Variants in GRM5 observed in about 807,000 individuals in gnomAD.
GRM5 encodes the protein metabotropic glutamate receptor 5.
Under a neutral mutation model 83.1 loss-of-function variants are expected in GRM5, and 19 were observed. That is an observed-to-expected ratio of 0.23 (90% confidence interval 0.16 to 0.34). The LOEUF is 0.34. Among genes scored for constraint, GRM5 ranks in the 10% least tolerant of loss-of-function variants. The probability of loss-of-function intolerance (pLI) is 1.00; values close to 1 mark genes in which losing one functional copy is unlikely to be tolerated. For synonymous variants in GRM5, 675 were observed against 633.6 expected (o/e 1.07, Z -0.98); for missense variants, 1,160 against 1,588.3 (o/e 0.73, Z 4.58).
At chr11:88,724,401 T>C (rs113815439) in intron 3 of GRM5, among the ~76,000 whole-genome samples, 138 of 3,940 alleles carry the variant, frequency 0.035, 1 homozygote, top group Admixed American at 0.083. Context: ...TCCATATACT[T>C]ACTCCTAACT....
At chr11:88,513,105 T>C (rs899416019) in intron 9 of GRM5, among the ~76,000 whole-genome samples, 1 of 152,218 alleles carries the variant, frequency 6.6e-6, no homozygotes, top group African/African-American at 2.4e-5. Context: ...TTTTTCTTAT[T>C]TTATTTTACC....
At chr11:88,597,525 C>A (rs1169244406) in intron 5 of GRM5, among the ~76,000 whole-genome samples, 173 bp from the exon 6 acceptor site, 1 of 152,076 alleles carries the variant, frequency 6.6e-6, no homozygotes, top group Non-Finnish European at 1.5e-5. Flanking sequence ...ACTTTCTCTG[C>A]AGAGACCATT....
At chr11:88,987,585 A>C (rs1939771928) in intron 2 of GRM5, among the ~76,000 whole-genome samples, 1 of 152,056 alleles carries the variant, frequency 6.6e-6, no homozygotes, top group South Asian at 2.1e-4. Context: ...AGACAGCAGT[A>C]ACCTCTGCAG....
At chr11:88,624,088 G>A (rs1938718534) in intron 4 of GRM5, among the ~76,000 whole-genome samples, 1 of 152,134 alleles carries the variant, frequency 6.6e-6, no homozygotes, top group African/African-American at 2.4e-5. Flanking sequence ...TCTATTCAGT[G>A]TTTGATGGGC....
intron 3 of GRM5, among the ~76,000 whole-genome samples, chr11:88,799,425 AG>A (rs1396397901): frequency 6.6e-6 from 1 of 152,140 alleles, no homozygotes; most frequent in Non-Finnish European, 1.5e-5. Flanking sequence ...CAAGAGAATT[AG>A]GCACATTATT....
intron 7 of GRM5, among the ~76,000 whole-genome samples, chr11:88,572,258 G>T (rs1056533481): frequency 6.6e-6 from 1 of 152,124 alleles, no homozygotes; most frequent in African/African-American, 2.4e-5. Flanking sequence ...TCTTAGATGT[G>T]GATGAGAGCA....
At chr11:88,767,486 ATGCAG>A (rs1942646356) in intron 3 of GRM5, among the ~76,000 whole-genome samples, 2 of 152,066 alleles carry the variant, frequency 1.3e-5, no homozygotes, top group Non-Finnish European at 2.9e-5. Context: ...ATGGAATACT[ATGCAG>A]CCATACAAAA....
rs117391968 is a variant in GRM5 at position 88,985,329 on chromosome 11, T to C, written c.661+61883A>G. 4.7e-3 allele frequency among the ~76,000 whole-genome samples: 709 copies of C among 152,202 alleles called. 1 individual carries two copies. Among genetic ancestry groups the C allele is most frequent in the Middle Eastern group, 0.024 (7 of 294 alleles). On this transcript the variant is annotated intron_variant, in intron 2 of 9. Coordinates refer to ENST00000305447, the MANE Select transcript of GRM5 (RefSeq NM_001143831.3). ...AATCCTTTGAATGATTTCATTTTAG[T>C]CACAATTAAGAGAATGGAAAAAATT...
At chr11:88,781,472 C>T (rs1258377915) in intron 3 of GRM5, among the ~76,000 whole-genome samples, 1 of 152,058 alleles carries the variant, frequency 6.6e-6, no homozygotes, top group Non-Finnish European at 1.5e-5. Context: ...GACCTCTATG[C>T]CCATATTTAT....
intron 3 of GRM5, among the ~76,000 whole-genome samples, chr11:88,770,026 T>C (rs1323586486): frequency 6.6e-6 from 1 of 152,050 alleles, no homozygotes; most frequent in Non-Finnish European, 1.5e-5. Context: ...GTATACACCC[T>C]GGATATGATG....
At chr11:88,965,622 C>A (rs1938931077) in intron 2 of GRM5, among the ~76,000 whole-genome samples, 1 of 150,878 alleles carries the variant, frequency 6.6e-6, no homozygotes, top group Non-Finnish European at 1.5e-5. Flanking sequence ...ATATTAATAA[C>A]AGACAAGGTA....
Position 88,598,645 on chromosome 11 carries a change from G to A in GRM5, c.1395-1293C>T, listed in dbSNP as rs1411369007. On this transcript the variant is annotated intron_variant, in intron 5 of 9. Coordinates refer to ENST00000305447, the MANE Select transcript of GRM5 (RefSeq NM_001143831.3). ...GCATGCAATGAGTTGAGATATTAGA[G>A]CACAGAGCACTGAGGTAAAAAGAAC... Among the ~76,000 whole-genome samples the A allele has an allele frequency of 2.6e-5, 4 of 152,156 alleles. No individual in the cohort carries two copies. The East Asian group carries it at 7.7e-4, about 29-fold the overall frequency.
At chr11:88,708,814 C>A (rs1005717158) in intron 3 of GRM5, among the ~76,000 whole-genome samples, 3 of 151,930 alleles carry the variant, frequency 2.0e-5, no homozygotes, top group Non-Finnish European at 4.4e-5. Context: ...CTAGAGATAC[C>A]ACCTGGTTCA....
At chr11:88,909,988 T>A (rs1318571432) in intron 2 of GRM5, among the ~76,000 whole-genome samples, 1 of 152,068 alleles carries the variant, frequency 6.6e-6, no homozygotes, top group Non-Finnish European at 1.5e-5. Flanking sequence ...TCATACATAT[T>A]CACAGTGCTA....
intron 3 of GRM5, among the ~76,000 whole-genome samples, chr11:88,815,945 G>A (rs1263575909): frequency 6.7e-6 from 1 of 149,556 alleles, no homozygotes; most frequent in Non-Finnish European, 1.5e-5. Flanking sequence ...CGGGCGCGGT[G>A]GCTCACGCCT....
At chr11:88,923,492 A>T (rs1945728862) in intron 2 of GRM5, among the ~76,000 whole-genome samples, 1 of 152,294 alleles carries the variant, frequency 6.6e-6, no homozygotes, top group Admixed American at 6.5e-5. Flanking sequence ...GGGGCAAAAA[A>T]TTGAAATAAT....
intron 8 of GRM5, among the ~76,000 whole-genome samples, chr11:88,563,386 A>G (rs749127423): frequency 2.0e-5 from 3 of 152,182 alleles, no homozygotes; most frequent in African/African-American, 2.4e-5. Context: ...CATAGTTACC[A>G]TAATCTTAGA....
intron 3 of GRM5, among the ~76,000 whole-genome samples, chr11:88,738,797 C>T (rs1385244323): frequency 6.6e-6 from 1 of 152,072 alleles, no homozygotes; most frequent in African/African-American, 2.4e-5. Context: ...TCAACACTTT[C>T]CCTAATGAAA....
chr11:88,966,629 C>T (rs911886450), intron 2 of GRM5, among the ~76,000 whole-genome samples: 6 of 152,104 alleles, frequency 3.9e-5, no homozygotes, highest in Admixed American at 6.5e-5. Flanking sequence ...TCTACTGTTG[C>T]GTTTTGGGTA....
Sources: gnomAD v4.1 joint callset for allele counts (sites outside exome capture counted in the v4.1 genomes callset) on GRCh38, gnomAD v4.1.1 for gene constraint, MANE v1.5 for transcripts, NCBI Gene and HGNC (gene_info 2026-07-23, HGNC 2026-07-21) for gene names.